The following PTPRN2 variants were observed in gnomAD, a reference collection of about 807,000 sequenced individuals.
The protein encoded by PTPRN2 is protein tyrosine phosphatase receptor type N2, also known as receptor-type tyrosine-protein phosphatase N2.
In PTPRN2, 74 loss-of-function variants were observed where a neutral mutation model predicts 118.8. That is an observed-to-expected ratio of 0.62 (90% CI 0.52 to 0.76). PTPRN2 has a LOEUF of 0.76. Ranked by LOEUF, PTPRN2 falls within the 30% of genes least tolerant of loss-of-function variation. The probability of loss-of-function intolerance (pLI) is 0.00; values close to 1 mark genes in which losing one functional copy is unlikely to be tolerated. For synonymous variants in PTPRN2, 641 were observed against 608.0 expected (o/e 1.05, Z -0.80); for missense variants, 1,481 against 1,394.4 (o/e 1.06, Z -0.99).
intron 12 of PTPRN2, among the ~76,000 whole-genome samples, chr7:157,697,468 C>T (rs1400499602): frequency 8.2e-6 from 1 of 121,530 alleles, no homozygotes; most frequent in Non-Finnish European, 1.7e-5. Context: ...CTTAGTAGAG[C>T]CCTCACCATC....
At chr7:157,706,669 C>G (rs1798348016) in intron 12 of PTPRN2, among the ~76,000 whole-genome samples, 1 of 151,616 alleles carries the variant, frequency 6.6e-6, no homozygotes, top group African/African-American at 2.4e-5. Flanking sequence ...TTGAGTGAAT[C>G]TGACCCAGGT....
At chr7:157,723,451 C>T (rs796416587) in intron 12 of PTPRN2, among the ~76,000 whole-genome samples, 8 of 152,344 alleles carry the variant, frequency 5.3e-5, no homozygotes, top group African/African-American at 1.9e-4. Context: ...CAGCTCCACA[C>T]TGTGGCTCTC....
At chr7:158,151,085 CTG>C (rs1382199377) in intron 6 of PTPRN2, among the ~76,000 whole-genome samples, 15 of 39,864 alleles carry the variant, frequency 3.8e-4, no homozygotes, top group South Asian at 1.2e-3. Flanking sequence ...TTGCCCCTGC[CTG>C]CCCAAACCGC....
In PTPRN2 at chr7:158,297,164, A is replaced by G. The variant is rs1197672004; in HGVS notation, c.277+19655T>C. On this transcript the variant is annotated intron_variant, in intron 3 of 22. Coordinates refer to ENST00000389418, the MANE Select transcript of PTPRN2 (RefSeq NM_002847.5). ...CACAGCACATATACAGCTTCTGCCA[A>G]TGGCTGGGCATAAGCTTTTAAAAAC... 3.3e-5 allele frequency among the ~76,000 whole-genome samples: 5 copies of G among 152,234 alleles called. No homozygotes were observed. The South Asian group carries it at 8.3e-4, about 25-fold the overall frequency.
At chr7:157,564,479 T>C (rs1355870277) in intron 21 of PTPRN2, among the ~76,000 whole-genome samples, 1 of 152,144 alleles carries the variant, frequency 6.6e-6, no homozygotes, top group Non-Finnish European at 1.5e-5. Context: ...AAAGACACTA[T>C]CAAAAGAGTA....
At chr7:158,567,727 G>C (rs930871284) in intron 1 of PTPRN2, among the ~76,000 whole-genome samples, 4 of 152,174 alleles carry the variant, frequency 2.6e-5, no homozygotes, top group African/African-American at 9.7e-5. Context: ...CTCTGCAAGG[G>C]GAGAGAACAT....
chr7:158,080,293 A>G (rs985777157), intron 11 of PTPRN2, among the ~76,000 whole-genome samples: 2 of 145,970 alleles, frequency 1.4e-5, no homozygotes, highest in Admixed American at 1.4e-4. Flanking sequence ...TTACACTGGG[A>G]AAAAAAGACA....
intron 11 of PTPRN2, among the ~76,000 whole-genome samples, chr7:157,904,965 G>C (rs963705340): frequency 6.6e-6 from 1 of 152,128 alleles, no homozygotes; most frequent in African/African-American, 2.4e-5. Context: ...GGGCACCCCC[G>C]ACACCTCCCG....
Position 158,187,224 on chromosome 7 carries a change from TA to T in PTPRN2, c.549+5102del, listed in dbSNP as rs747722399. Among the ~76,000 whole-genome samples, 11 of 152,184 alleles carry T rather than the reference TA, an allele frequency of 7.2e-5. No homozygotes were observed. The East Asian group carries it at 2.1e-3, about 29-fold the overall frequency. ...TGATTATATTCCCAGTGGAATAAAA[TA>T]AAATAATTCTGTTATGACGTCACCA... On this transcript the variant is annotated intron_variant, in intron 5 of 22. Transcript: ENST00000389418.
chr7:158,204,270 G>A (rs539081613), intron 4 of PTPRN2, among the ~76,000 whole-genome samples: 3 of 151,904 alleles, frequency 2.0e-5, no homozygotes, highest in Non-Finnish European at 2.9e-5. Context: ...CCCGCCCTCA[G>A]TGTGCGCCGC....
chr7:157,585,011 G>C lies in PTPRN2; in HGVS notation c.2497-6871C>G. ...AGGGTGACAAAACCTTCGTGATGCC[G>C]TCCATGACCAGCTCATGGTGCACCT... On this transcript the variant is annotated intron_variant, in intron 17 of 22. Transcript: ENST00000389418. The surrounding 1 kb of genome is among the most constrained non-coding windows in gnomAD (Gnocchi z 5.2). Among the ~76,000 whole-genome samples the C allele has an allele frequency of 6.6e-6, 1 of 152,134 alleles. No homozygotes were observed. The highest frequency in any genetic ancestry group is 1.5e-5 in the Non-Finnish European group (1 of 68,020).
chr7:157,751,982 G>A (rs1165828969), intron 12 of PTPRN2, among the ~76,000 whole-genome samples: 4 of 152,056 alleles, frequency 2.6e-5, no homozygotes, highest in South Asian at 2.1e-4. Context: ...TGGACAGCCC[G>A]GCCTTGCGAG....
chr7:158,422,378 C>A (rs931016887), intron 2 of PTPRN2, among the ~76,000 whole-genome samples: 9 of 152,228 alleles, frequency 5.9e-5, no homozygotes, highest in Admixed American at 5.2e-4. Flanking sequence ...TCAATGGCAG[C>A]TTCCAACACC....
At chr7:157,561,736 CCATCTCTG>C (rs1460188654) in intron 21 of PTPRN2, among the ~76,000 whole-genome samples, 2 of 152,258 alleles carry the variant, frequency 1.3e-5, no homozygotes, top group Admixed American at 1.3e-4. Context: ...AGTGAAGCTG[CCATCTCTG>C]CATCTGGGAG....
chr7:157,738,265 G>A (rs564547049), intron 12 of PTPRN2, among the ~76,000 whole-genome samples: 121 of 152,150 alleles, frequency 8.0e-4, no homozygotes, highest in Non-Finnish European at 1.3e-3. Flanking sequence ...CATTCCTGGC[G>A]TCTGAATTCG....
At chr7:158,502,057 C>G (rs933613101) in intron 1 of PTPRN2, among the ~76,000 whole-genome samples, 4 of 152,210 alleles carry the variant, frequency 2.6e-5, no homozygotes, top group African/African-American at 9.6e-5. Context: ...CGTTCCGACT[C>G]TCTGCTCCTC....
At chr7:158,132,478 C>A in intron 9 of PTPRN2, among the ~76,000 whole-genome samples, 1 of 146,524 alleles carries the variant, frequency 6.8e-6, no homozygotes, top group East Asian at 1.9e-4. Context: ...CACTCGTATA[C>A]ACACACGCAC....
At chr7:157,815,902 G>T (rs2151127925) in intron 12 of PTPRN2, among the ~76,000 whole-genome samples, 1 of 152,352 alleles carries the variant, frequency 6.6e-6, no homozygotes, top group African/African-American at 2.4e-5. Flanking sequence ...AGAAAGAGCT[G>T]GGCGGCAAGA....
intron 1 of PTPRN2, among the ~76,000 whole-genome samples, chr7:158,567,088 A>AT (rs898564298): frequency 2.6e-5 from 4 of 152,288 alleles, no homozygotes; most frequent in South Asian, 2.1e-4. Context: ...TTTCTTCTTC[A>AT]TTTTTTCTGA....
Sources: allele counts gnomAD v4.1 joint callset (sites outside exome capture counted in the v4.1 genomes callset), GRCh38; gene constraint gnomAD v4.1.1; non-coding constraint Gnocchi (gnomAD v3.1); transcripts MANE v1.5; gene names NCBI Gene and HGNC (gene_info 2026-07-23, HGNC 2026-07-21).